Variants in HHAT observed in about 807,000 individuals in gnomAD.
HHAT encodes protein-cysteine N-palmitoyltransferase HHAT.
Under a neutral mutation model 70.8 loss-of-function variants are expected in HHAT, and 47 were observed. That is an observed-to-expected ratio of 0.66 (90% CI 0.53 to 0.85). The LOEUF is 0.85. Ranked by LOEUF, HHAT falls within the 40% of genes least tolerant of loss-of-function variation. The pLI is 0.00. For synonymous variants in HHAT, 228 were observed against 247.6 expected, an observed-to-expected ratio of 0.92 and a Z score of 0.74; for missense variants, 609 against 604.8, an observed-to-expected ratio of 1.01 and a Z score of -0.07.
At chr1:210,468,647 G>T (rs2148452320) in intron 8 of HHAT, among the ~76,000 whole-genome samples, 1 of 152,222 alleles carries the variant, frequency 6.6e-6, no homozygotes, top group Admixed American at 6.5e-5. Flanking sequence ...TAGAGAGTTG[G>T]TTCAGCATGT....
intron 10 of HHAT, among the ~76,000 whole-genome samples, chr1:210,601,983 G>GTGTGTA (rs1221785604): frequency 6.6e-6 from 1 of 151,220 alleles, no homozygotes. Flanking sequence ...GTGTGTGTGT[G>GTGTGTA]TGTATGTGTG....
intron 6 of HHAT, among the ~76,000 whole-genome samples, chr1:210,408,426 G>A (rs1325915952): frequency 2.0e-5 from 3 of 152,050 alleles, no homozygotes; most frequent in South Asian, 4.1e-4. Context: ...CAGGTGATCC[G>A]CCCGCCTCGG....
intron 7 of HHAT, among the ~76,000 whole-genome samples, chr1:210,432,356 A>G (rs1448574731): frequency 6.6e-6 from 1 of 151,956 alleles, no homozygotes; most frequent in African/African-American, 2.4e-5. Flanking sequence ...GTTAATAAAC[A>G]AAGGAGGAAG....
intron 10 of HHAT, among the ~76,000 whole-genome samples, chr1:210,618,468 A>T (rs982400861): frequency 2.0e-5 from 3 of 152,160 alleles, no homozygotes; most frequent in African/African-American, 7.2e-5. Flanking sequence ...CAGCTGCTCA[A>T]ACCCACCCAG....
chr1:210,630,604 C>G (rs1670671604), intron 11 of HHAT, among the ~76,000 whole-genome samples: 1 of 152,196 alleles, frequency 6.6e-6, no homozygotes, highest in Admixed American at 6.5e-5. Flanking sequence ...TCTTTGGTAA[C>G]AGCCCCCTGC....
intron 1 of HHAT, among the ~76,000 whole-genome samples, chr1:210,330,662 C>G (rs1010680942): frequency 2.0e-5 from 3 of 152,144 alleles, no homozygotes; most frequent in Non-Finnish European, 2.9e-5. Context: ...TACCTGCACC[C>G]CCTGCTTCCA....
rs574366496 is a variant in HHAT at position 210,563,734 on chromosome 1, C to A, written c.1044-24164C>A. On this transcript the variant is annotated intron_variant, in intron 9 of 11. Transcript: ENST00000261458. Reference sequence around the variant, plus strand: ...AGCCCATTGTTATTCTGTTCCATAACCTCATATTGGGTCTTCACCATGCCA... The same window carrying A: ...AGCCCATTGTTATTCTGTTCCATAAACTCATATTGGGTCTTCACCATGCCA... Among the ~76,000 whole-genome samples, 26 of 152,292 alleles carry A rather than the reference C, an allele frequency of 1.7e-4. No homozygotes were observed. The South Asian group carries it at 2.9e-3, about 17-fold the overall frequency.
At chr1:210,558,619 A>G (rs1558158692) in intron 9 of HHAT, among the ~76,000 whole-genome samples, 1 of 152,222 alleles carries the variant, frequency 6.6e-6, no homozygotes, top group Non-Finnish European at 1.5e-5. Flanking sequence ...TTTCTGGTCC[A>G]TTTTGAGAGG....
chr1:210,590,656 C>T (rs1251407363), intron 10 of HHAT: 3 of 149,836 alleles, frequency 2.0e-5, no homozygotes, highest in Non-Finnish European at 4.4e-5. Flanking sequence ...TTCAGAACTT[C>T]AACAGATTGG....
intron 11 of HHAT, among the ~76,000 whole-genome samples, chr1:210,645,189 A>G (rs562622564): frequency 2.0e-4 from 30 of 152,298 alleles, no homozygotes; most frequent in African/African-American, 6.0e-4. Flanking sequence ...TTGCCGTCAC[A>G]CCTAGCTGCC....
chr1:210,666,212 A>G (rs1678860165), intron 11 of HHAT, among the ~76,000 whole-genome samples: 4 of 152,232 alleles, frequency 2.6e-5, no homozygotes. Context: ...TTGATAGCTC[A>G]GACACAATTC....
At chr1:210,375,769 A>C (rs957936841) in intron 3 of HHAT, among the ~76,000 whole-genome samples, 7 of 150,308 alleles carry the variant, frequency 4.7e-5, no homozygotes, top group African/African-American at 1.7e-4. Flanking sequence ...TTGTTCTTAT[A>C]TCAAGGGTCT....
At chr1:210,612,410 T>C (rs1369429476) in intron 10 of HHAT, among the ~76,000 whole-genome samples, 1 of 152,178 alleles carries the variant, frequency 6.6e-6, no homozygotes, top group Non-Finnish European at 1.5e-5. Flanking sequence ...ACAATGTTTG[T>C]CCCTTTGTGT....
At chr1:210,356,319 A>G (rs1379605218) in intron 2 of HHAT, among the ~76,000 whole-genome samples, 2 of 152,158 alleles carry the variant, frequency 1.3e-5, no homozygotes, top group African/African-American at 4.8e-5. Context: ...GAAAAGTTGC[A>G]TATTAATGAC....
intron 7 of HHAT, among the ~76,000 whole-genome samples, 169 bp downstream of exon 7, chr1:210,418,494 G>A (rs2092794286): frequency 6.6e-6 from 1 of 152,174 alleles, no homozygotes; most frequent in South Asian, 2.1e-4. Context: ...CATGTGAGAA[G>A]TGGTTGATGT....
At chr1:210,636,633 T>C (rs1671916448) in intron 11 of HHAT, among the ~76,000 whole-genome samples, 1 of 152,194 alleles carries the variant, frequency 6.6e-6, no homozygotes, top group Admixed American at 6.5e-5. Flanking sequence ...AATTAAAATA[T>C]TTATCTGACA....
chr1:210,636,014 A>T (rs1671808022), intron 11 of HHAT, among the ~76,000 whole-genome samples: 1 of 152,206 alleles, frequency 6.6e-6, no homozygotes, highest in African/African-American at 2.4e-5. Context: ...AACATCAATA[A>T]GCATAGCTGC....
At chr1:210,618,570 C>A (rs559269057) in intron 10 of HHAT, among the ~76,000 whole-genome samples, 1 of 152,188 alleles carries the variant, frequency 6.6e-6, no homozygotes, top group Non-Finnish European at 1.5e-5. Flanking sequence ...GCCATTCCTC[C>A]GGCCATCTGC....
intron 7 of HHAT, among the ~76,000 whole-genome samples, chr1:210,441,359 A>T (rs996894416): frequency 2.6e-5 from 4 of 152,106 alleles, no homozygotes; most frequent in Non-Finnish European, 5.9e-5. Flanking sequence ...GGGACAGAAA[A>T]CTCAGTAATT....
Sources: gnomAD v4.1 joint callset for allele counts (sites outside exome capture counted in the v4.1 genomes callset) on GRCh38, gnomAD v4.1.1 for gene constraint, MANE v1.5 for transcripts, NCBI Gene and HGNC (gene_info 2026-07-23, HGNC 2026-07-21) for gene names.